Variants in FRMD4A observed in about 807,000 individuals in gnomAD.
FRMD4A encodes FERM domain containing 4A.
In FRMD4A, 29 loss-of-function variants were observed where a neutral mutation model predicts 129.1. The ratio of observed to expected loss-of-function variants is 0.22; its 90% CI spans 0.17 to 0.31. The LOEUF (loss-of-function observed/expected upper bound fraction) is 0.31, where lower values mean the gene tolerates loss of function less well. Ranked by LOEUF, FRMD4A falls within the 10% of genes least tolerant of loss-of-function variation. The probability of loss-of-function intolerance (pLI) is 1.00; values close to 1 mark genes in which losing one functional copy is unlikely to be tolerated. For synonymous variants in FRMD4A, 634 were observed against 571.6 expected, an observed-to-expected ratio of 1.11 and a Z score of -1.56; for missense variants, 1,272 against 1,375.8, an observed-to-expected ratio of 0.92 and a Z score of 1.19.
chr10:13,856,832 TC>T (rs1252910347), intron 3 of FRMD4A, among the ~76,000 whole-genome samples: 1 of 152,216 alleles, frequency 6.6e-6, no homozygotes, highest in African/African-American at 2.4e-5. Flanking sequence ...AGAGATAGTT[TC>T]TAAACTGCCA....
intron 2 of FRMD4A, among the ~76,000 whole-genome samples, chr10:14,185,561 T>C (rs1842080755): frequency 6.6e-6 from 1 of 152,162 alleles, no homozygotes; most frequent in African/African-American, 2.4e-5. Flanking sequence ...GCAAGACTAT[T>C]TAAAGGTTCA....
intron 3 of FRMD4A, among the ~76,000 whole-genome samples, chr10:13,842,239 C>T (rs969706683): frequency 2.6e-5 from 4 of 152,190 alleles, no homozygotes; most frequent in Non-Finnish European, 5.9e-5. Flanking sequence ...CTATGCTCTC[C>T]TTCCTGTCTT....
At chr10:13,749,205 A>G (rs2091445466) in intron 8 of FRMD4A, among the ~76,000 whole-genome samples, 2 of 152,216 alleles carry the variant, frequency 1.3e-5, no homozygotes, top group African/African-American at 2.4e-5. Flanking sequence ...GCAAAGGCAC[A>G]TGTAGGAGCA....
intron 2 of FRMD4A, among the ~76,000 whole-genome samples, chr10:14,277,553 T>C (rs1023987473): frequency 2.0e-5 from 3 of 152,220 alleles, no homozygotes; most frequent in Non-Finnish European, 2.9e-5. Context: ...CTGTGAGCCA[T>C]AGTTGCTTGT....
chr10:14,102,564 C>G (rs1564292866), intron 2 of FRMD4A, among the ~76,000 whole-genome samples: 2 of 152,172 alleles, frequency 1.3e-5, no homozygotes, highest in Non-Finnish European at 2.9e-5. Flanking sequence ...AAGCCGACCT[C>G]CCACAATGCA....
intron 6 of FRMD4A, among the ~76,000 whole-genome samples, chr10:13,778,942 A>G (rs749310323): frequency 2.0e-5 from 3 of 152,214 alleles, no homozygotes; most frequent in Non-Finnish European, 4.4e-5. Context: ...TGTGTATCCC[A>G]GAACTTAAAG....
At chr10:13,727,090 C>T (rs529091398) in intron 12 of FRMD4A, among the ~76,000 whole-genome samples, 5 of 151,626 alleles carry the variant, frequency 3.3e-5, no homozygotes, top group Non-Finnish European at 5.9e-5. Flanking sequence ...TTAGTAGAGA[C>T]GGGGCTTCGC....
intron 2 of FRMD4A, among the ~76,000 whole-genome samples, chr10:13,925,145 G>A (rs1363530073): frequency 6.6e-6 from 1 of 151,568 alleles, no homozygotes; most frequent in Non-Finnish European, 1.5e-5. Flanking sequence ...CAATTGTGGT[G>A]GCACAATGGG....
intron 3 of FRMD4A, among the ~76,000 whole-genome samples, chr10:13,856,287 T>C (rs1272097102): frequency 6.6e-6 from 1 of 151,430 alleles, no homozygotes; most frequent in Non-Finnish European, 1.5e-5. Flanking sequence ...GTGAAGCAAC[T>C]GGTACTCTGG....
At chr10:13,812,209 T>C (rs1311958030) in intron 3 of FRMD4A, among the ~76,000 whole-genome samples, 1 of 152,214 alleles carries the variant, frequency 6.6e-6, no homozygotes, top group Non-Finnish European at 1.5e-5. Context: ...ACTTTTTGGG[T>C]ACTGCCATGG....
chr10:14,049,874 A>C (rs776938442), intron 2 of FRMD4A, among the ~76,000 whole-genome samples: 2 of 152,170 alleles, frequency 1.3e-5, no homozygotes, highest in African/African-American at 4.8e-5. Flanking sequence ...AAAATAAAAT[A>C]AAATAAGGAA....
At chr10:13,697,152 ATTTTTTTT>A (rs11309575) in intron 14 of FRMD4A, among the ~76,000 whole-genome samples, 1 of 136,560 alleles carries the variant, frequency 7.3e-6, no homozygotes, top group East Asian at 2.2e-4. Flanking sequence ...AAACTACTGG[ATTTTTTTT>A]TTTTTTTTTT....
chr10:13,707,246 G>A, intron 12 of FRMD4A, 133 bp from the exon 13 acceptor site: 1 of 763,748 alleles, frequency 1.3e-6, no homozygotes, highest in Admixed American at 2.5e-5. Flanking sequence ...TGCCTCCTCC[G>A]CCTCTTGCTT....
At chr10:13,701,239 C>T (rs2086803117) in intron 14 of FRMD4A, 101 bp downstream of exon 14, 14 of 1,080,892 alleles carry the variant, frequency 1.3e-5, no homozygotes, top group East Asian at 7.1e-5. Context: ...GGTATGGACC[C>T]GGGCAAGGGA....
intron 2 of FRMD4A, among the ~76,000 whole-genome samples, chr10:14,186,169 C>G (rs572796473): frequency 1.8e-4 from 28 of 151,824 alleles, no homozygotes; most frequent in Admixed American, 4.6e-4. Context: ...AAAAGACTGG[C>G]CAAAATGCTA....
intron 14 of FRMD4A, among the ~76,000 whole-genome samples, chr10:13,700,362 G>C (rs1229191141): frequency 6.6e-6 from 1 of 151,976 alleles, no homozygotes; most frequent in African/African-American, 2.4e-5. Context: ...AAAAGAGAAA[G>C]AACCCTAGAG....
intron 2 of FRMD4A, among the ~76,000 whole-genome samples, chr10:13,952,945 C>T (rs565038795): frequency 2.0e-5 from 3 of 152,302 alleles, no homozygotes; most frequent in South Asian, 4.2e-4. Context: ...GATCCACCCG[C>T]CTCAGCCTCC....
chr10:13,850,976 A>G (rs1006447749), intron 3 of FRMD4A, among the ~76,000 whole-genome samples: 1 of 152,232 alleles, frequency 6.6e-6, no homozygotes, highest in Non-Finnish European at 1.5e-5. Context: ...GCACTTTGGG[A>G]GGCCAAGGCG....
intron 2 of FRMD4A, among the ~76,000 whole-genome samples, chr10:14,270,990 C>T (rs1845145736): frequency 6.6e-6 from 1 of 152,158 alleles, no homozygotes; most frequent in Non-Finnish European, 1.5e-5. Context: ...GTAACAGCGG[C>T]ATCTGCTTCT....
Sources: allele counts gnomAD v4.1 joint callset (sites outside exome capture counted in the v4.1 genomes callset), GRCh38; gene constraint gnomAD v4.1.1; transcripts MANE v1.5; gene names NCBI Gene and HGNC (gene_info 2026-07-23, HGNC 2026-07-21).